Variants in RABGEF1 observed in about 807,000 individuals in gnomAD.
RABGEF1 encodes the protein rab5 GDP/GTP exchange factor.
In RABGEF1, 26 loss-of-function variants were observed where a neutral mutation model predicts 57.3. That is an observed-to-expected ratio of 0.45 (90% CI 0.33 to 0.63). RABGEF1 has a LOEUF of 0.63. RABGEF1 is among the 20% of genes least tolerant of loss of function. RABGEF1 has a pLI of 0.02. For synonymous variants in RABGEF1, 185 were observed against 210.7 expected (o/e 0.88, Z 1.06); for missense variants, 464 against 607.6 (o/e 0.76, Z 2.48).
chr7:66,690,963 C>T (rs1250686693), intron 1 of RABGEF1, among the ~76,000 whole-genome samples: 2 of 151,134 alleles, frequency 1.3e-5, no homozygotes, highest in Admixed American at 6.6e-5. Context: ...TGGTGGGGAG[C>T]GCCTATAATC....
At position 66,771,880 on chromosome 7, in the gene RABGEF1, C is replaced by G. The variant is rs752407480; in HGVS notation, c.-17-3C>G. The G allele has an allele frequency of 6.2e-6, 9 of 1,449,402 alleles. No homozygotes were observed. Among genetic ancestry groups the G allele is most frequent in the Non-Finnish European group, 8.2e-6 (9 of 1,091,456 alleles). 89.8% of individuals were successfully genotyped at this position (1,449,402 alleles called of 1,614,324 possible). A position where few individuals can be genotyped will look rare whatever the true frequency, so the allele number is the denominator to read the frequency against. ...TTTCAACAGCACTTTCTTGTTTGTT[C>G]AGTGGTTAGCAGGAAGAAGATGAGC... On this transcript the variant is annotated splice_polypyrimidine_tract_variant and splice_region_variant and intron_variant, in intron 1 of 8. Coordinates refer to ENST00000284957, the MANE Select transcript of RABGEF1 (RefSeq NM_014504.3).
intron 1 of RABGEF1, among the ~76,000 whole-genome samples, chr7:66,771,417 G>A (rs1807101370): frequency 6.6e-6 from 1 of 152,174 alleles, no homozygotes; most frequent in East Asian, 1.9e-4. Context: ...GGGATTACAG[G>A]TGTGAGCCAC....
intron 1 of RABGEF1, among the ~76,000 whole-genome samples, chr7:66,692,714 C>CT: frequency 6.6e-6 from 1 of 151,842 alleles, no homozygotes; most frequent in Admixed American, 6.6e-5. Context: ...CCACCCACCC[C>CT]TCTCTGCAGC....
At chr7:66,759,695 G>T (rs1216275675) in intron 1 of RABGEF1, among the ~76,000 whole-genome samples, 1 of 152,178 alleles carries the variant, frequency 6.6e-6, no homozygotes. Flanking sequence ...GAGCAAGAGA[G>T]AAGGTGCTAT....
chr7:66,670,894 T>TATACACAC, the RABGEF1 span, among the ~76,000 whole-genome samples: 17 of 145,592 alleles, frequency 1.2e-4, no homozygotes, highest in East Asian at 4.0e-4. Flanking sequence ...CACATACGTA[T>TATACACAC]ACACACACAC....
intron 1 of RABGEF1, among the ~76,000 whole-genome samples, chr7:66,750,239 T>G (rs913197257): frequency 1.3e-5 from 2 of 152,320 alleles, no homozygotes; most frequent in South Asian, 4.1e-4. Context: ...AATGGACACT[T>G]TTTAATACCA....
intron 2 of RABGEF1, among the ~76,000 whole-genome samples, chr7:66,717,592 A>G (rs544370758): frequency 2.1e-4 from 32 of 151,798 alleles, no homozygotes; most frequent in African/African-American, 7.5e-4. Context: ...CCCCGTCTCT[A>G]GTGTCACCCA....
At chr7:66,735,035 C>G (rs1797789123) in intron 2 of RABGEF1, among the ~76,000 whole-genome samples, 2 of 152,180 alleles carry the variant, frequency 1.3e-5, no homozygotes, top group Admixed American at 1.3e-4. Context: ...GAATGCTTTT[C>G]CAGAGGCTAA....
At chr7:66,719,385 T>C (rs1156366828) in intron 2 of RABGEF1, among the ~76,000 whole-genome samples, 1 of 152,160 alleles carries the variant, frequency 6.6e-6, no homozygotes, top group African/African-American at 2.4e-5. Flanking sequence ...ATATATATTT[T>C]GTAGAGATGG....
chr7:66,732,723 C>T (rs562891368), intron 2 of RABGEF1, among the ~76,000 whole-genome samples: 6 of 152,068 alleles, frequency 3.9e-5, no homozygotes, highest in Admixed American at 2.0e-4. Flanking sequence ...CACTCTCTCT[C>T]GCTCTCTCTC....
intron 2 of RABGEF1, among the ~76,000 whole-genome samples, chr7:66,712,424 CT>C (rs1794873862): frequency 6.6e-6 from 1 of 152,178 alleles, no homozygotes; most frequent in South Asian, 2.1e-4. Flanking sequence ...ATGTTGCAAC[CT>C]TTACAAACTT....
Position 66,730,332 on chromosome 7 carries a change from CAG to C in RABGEF1, c.-814-9663_-814-9662del, listed in dbSNP as rs201075125. Among the ~76,000 whole-genome samples, 724 of 152,268 alleles carry C rather than the reference CAG, an allele frequency of 4.8e-3. 10 individuals carry two copies. Among genetic ancestry groups the C allele is most frequent in the South Asian group, 0.037 (179 of 4,834 alleles). The stretch of plus-strand genomic sequence containing the variant: ...GAGCGCCAGCTTCCTCATCTATCGA[CAG>C]GGGATAAACAATAGGCTCCACCACT... On this transcript the variant is annotated intron_variant and NMD_transcript_variant, in intron 2 of 9. Transcript: ENST00000607882.
In RABGEF1 at chr7:66,789,420, C is replaced by T. The variant is rs1261320165; in HGVS notation, c.513+5579C>T. Among the ~76,000 whole-genome samples, 13 of 152,222 alleles carry T rather than the reference C, an allele frequency of 8.5e-5. No homozygotes were observed. The South Asian group carries it at 1.2e-3, about 15-fold the overall frequency. ...ATTTGAGGCCGGGTGCGGTGGCTTA[C>T]GCCTGTAATCCCAGCACTTTGGGAG... is the stretch of plus-strand genomic sequence containing the variant. On this transcript the variant is annotated intron_variant, in intron 4 of 8. Coordinates refer to ENST00000284957, the MANE Select transcript of RABGEF1 (RefSeq NM_014504.3).
chr7:66,714,446 C>T (rs528387732), intron 2 of RABGEF1, among the ~76,000 whole-genome samples: 7 of 152,188 alleles, frequency 4.6e-5, no homozygotes, highest in Admixed American at 1.3e-4. Flanking sequence ...ATTTATGTCT[C>T]GTTTCCTTTC....
intron 4 of RABGEF1, among the ~76,000 whole-genome samples, chr7:66,786,913 T>C (rs2129148197): frequency 6.6e-6 from 1 of 152,350 alleles, no homozygotes; most frequent in African/African-American, 2.4e-5. Flanking sequence ...GAAAATATAG[T>C]TGCCATCAGC....
At chr7:66,670,802 C>T in the RABGEF1 span, among the ~76,000 whole-genome samples, 3 of 151,808 alleles carry the variant, frequency 2.0e-5, no homozygotes, top group Admixed American at 6.6e-5. Flanking sequence ...GCCGAGATGG[C>T]GCCACTACAC....
chr7:66,706,566 C>T (rs1007144765), intron 1 of RABGEF1, among the ~76,000 whole-genome samples: 6 of 151,146 alleles, frequency 4.0e-5, no homozygotes, highest in South Asian at 2.1e-4. Flanking sequence ...TGTGCCACCA[C>T]GCCCGGCTAA....
chr7:66,708,589 A>G (rs1007151608), intron 1 of RABGEF1, among the ~76,000 whole-genome samples: 3 of 152,172 alleles, frequency 2.0e-5, no homozygotes, highest in Non-Finnish European at 2.9e-5. Flanking sequence ...GCCCCTGGCC[A>G]GCCCAGGAGT....
At chr7:66,808,563 A>AGAT (rs1788979832) in intron 8 of RABGEF1, among the ~76,000 whole-genome samples, 1 of 152,154 alleles carries the variant, frequency 6.6e-6, no homozygotes, top group Non-Finnish European at 1.5e-5. Flanking sequence ...TTTGAGGATC[A>AGAT]GAGGTCTGTG....
Sources: gnomAD v4.1 joint callset for allele counts (sites outside exome capture counted in the v4.1 genomes callset) on GRCh38, gnomAD v4.1.1 for gene constraint, MANE v1.5 for transcripts, NCBI Gene and HGNC (gene_info 2026-07-23, HGNC 2026-07-21) for gene names.